Variants in ABHD18 observed in about 807,000 individuals in gnomAD.
The protein encoded by ABHD18 is abhydrolase domain containing 18.
In ABHD18, 55 loss-of-function variants were observed where a neutral mutation model predicts 65.9. The ratio of observed to expected loss-of-function variants is 0.84; its 90% confidence interval spans 0.67 to 1.05. The LOEUF is 1.05. ABHD18 is among the 50% of genes least tolerant of loss of function. The pLI is 0.00. For missense variants in ABHD18, 533 were observed against 558.5 expected, an observed-to-expected ratio of 0.95 and a Z score of 0.46; for synonymous variants, 181 against 180.2, an observed-to-expected ratio of 1.00 and a Z score of -0.04.
chr4:127,981,172 C>G (rs1243488239), intron 1 of ABHD18, among the ~76,000 whole-genome samples: 1 of 152,102 alleles, frequency 6.6e-6, no homozygotes, highest in Non-Finnish European at 1.5e-5. Flanking sequence ...GTTTGACTTA[C>G]GATTGTTTCA....
Position 128,011,533 on chromosome 4 carries a change from C to A in ABHD18, c.443-140C>A. The stretch of plus-strand genomic sequence containing the variant: ...AATAATTAAGTTGAAAACTTAAGAA[C>A]TTCTAAACAGCCTACTTAAGATAAT... On this transcript the variant is annotated intron_variant, in intron 6 of 12. Coordinates refer to ENST00000645843, the MANE Select transcript of ABHD18 (RefSeq NM_001358451.3). 4 of 368,098 alleles carry A rather than the reference C, an allele frequency of 1.1e-5. No individual in the cohort carries two copies. The South Asian group carries it at 2.1e-4, about 20-fold the overall frequency. The allele number at this position is 368,098 out of a possible 1,614,324, so 22.8% of individuals were successfully genotyped here. A position where few individuals can be genotyped will look rare whatever the true frequency, so the allele number is the denominator to read the frequency against.
chr4:127,970,107 TC>T (rs1385942861), intron 1 of ABHD18, among the ~76,000 whole-genome samples: 1 of 151,912 alleles, frequency 6.6e-6, no homozygotes, highest in Non-Finnish European at 1.5e-5. Flanking sequence ...GGTTTCAGAT[TC>T]CTGAGCTCAA....
At chr4:127,971,691 C>T (rs1339889484) in intron 1 of ABHD18, among the ~76,000 whole-genome samples, 1 of 151,870 alleles carries the variant, frequency 6.6e-6, no homozygotes, top group Non-Finnish European at 1.5e-5. Context: ...GGGGTTTCTC[C>T]GTGTTAGCCA....
rs768432727 is a variant in ABHD18, at chr4:127,989,792, T to TA, written c.250dup (p.Ile84AsnfsTer5). 5 of 1,598,070 alleles carry TA rather than the reference T, an allele frequency of 3.1e-6. No individual in the cohort carries two copies. The African/African-American group carries it at 6.7e-5, about 21-fold the overall frequency. On this transcript the variant is annotated frameshift_variant, in exon 4 of 13. Transcript: ENST00000645843. LOFTEE classifies it high-confidence loss of function. ...CCCCCATGGCTCACTATGTGCCTGA[T>TA]ATCATGCCAATTGAATCTGTTATTG...
At chr4:127,996,300 C>T (rs947859067) in intron 4 of ABHD18, among the ~76,000 whole-genome samples, 3 of 152,014 alleles carry the variant, frequency 2.0e-5, no homozygotes, top group African/African-American at 7.2e-5. Flanking sequence ...CCCTAAGTGT[C>T]AGCTGGTCTG....
chr4:128,026,068 C>G (rs769542322), intron 10 of ABHD18, among the ~76,000 whole-genome samples: 31 of 152,200 alleles, frequency 2.0e-4, no homozygotes, highest in Admixed American at 9.8e-4. Context: ...GCTGGCAGAT[C>G]ACCTGAGGTC....
At chr4:127,967,849 C>T (rs926446339) in intron 1 of ABHD18, among the ~76,000 whole-genome samples, 1 of 151,944 alleles carries the variant, frequency 6.6e-6, no homozygotes, top group African/African-American at 2.4e-5. Flanking sequence ...GATTATTTCC[C>T]GAATGTTTCA....
intron 10 of ABHD18, among the ~76,000 whole-genome samples, chr4:128,021,463 A>C (rs1756485455): frequency 6.6e-6 from 1 of 152,080 alleles, no homozygotes; most frequent in Non-Finnish European, 1.5e-5. Flanking sequence ...CAGGAGTTTG[A>C]GACTAGCCTG....
chr4:128,033,556 GAC>G (rs1758509510), intron 12 of ABHD18, among the ~76,000 whole-genome samples: 1 of 115,080 alleles, frequency 8.7e-6, no homozygotes, highest in African/African-American at 3.3e-5. Flanking sequence ...TCTTTTTTGA[GAC>G]AGAGTCTCCC....
At position 127,968,150 on chromosome 4, in the gene ABHD18, T is replaced by C. The variant is rs1300355935; in HGVS notation, c.-18+2544T>C. Among the ~76,000 whole-genome samples the C allele has an allele frequency of 3.9e-5, 6 of 152,146 alleles. No individual in the cohort carries two copies. The East Asian group carries it at 1.2e-3, about 29-fold the overall frequency. Reference sequence around the variant, plus strand: ...GGGTGAACCCGGGAGGCGGAGCTTGTAGTGAGCCGAGATTGCGCCACTGCA... The same window carrying C: ...GGGTGAACCCGGGAGGCGGAGCTTGCAGTGAGCCGAGATTGCGCCACTGCA... On this transcript the variant is annotated intron_variant, in intron 1 of 12. Transcript: ENST00000645843.
chr4:127,984,785 C>T (rs1749676956), intron 3 of ABHD18, among the ~76,000 whole-genome samples: 1 of 152,038 alleles, frequency 6.6e-6, no homozygotes, highest in Non-Finnish European at 1.5e-5. Flanking sequence ...ACTTGAACCC[C>T]GGAGGCGGAG....
At position 128,035,865 on chromosome 4, in the gene ABHD18, G is replaced by C; in HGVS notation, c.*52G>C. The C allele has an allele frequency of 8.7e-7, 1 of 1,155,222 alleles. No homozygotes were observed. Among genetic ancestry groups the C allele is most frequent in the Non-Finnish European group, 1.2e-6 (1 of 816,006 alleles). The allele number at this position is 1,155,222 out of a possible 1,614,324, so 71.6% of individuals were successfully genotyped here. A position where few individuals can be genotyped will look rare whatever the true frequency, so the allele number is the denominator to read the frequency against. ...GCCATGATGTTTCTTACAAAAGGGA[G>C]CTTCATCCTGTGATCATGTGAAGGA... On this transcript the variant is annotated 3_prime_UTR_variant, in exon 13 of 13. Transcript: ENST00000645843.
chr4:127,966,863 C>T (rs1238116006), intron 1 of ABHD18, among the ~76,000 whole-genome samples: 14 of 140,860 alleles, frequency 9.9e-5, no homozygotes, highest in Non-Finnish European at 1.7e-4. Flanking sequence ...CCAGCCTGGG[C>T]AACAGAGTGA....
At chr4:127,994,000 A>G (rs561026858) in intron 4 of ABHD18, among the ~76,000 whole-genome samples, 14 of 152,224 alleles carry the variant, frequency 9.2e-5, no homozygotes, top group Admixed American at 9.2e-4. Flanking sequence ...GGAGAAACCT[A>G]TTTGTCCTAT....
intron 1 of ABHD18, among the ~76,000 whole-genome samples, chr4:127,974,199 T>G (rs199897688): frequency 0.024 from 3,427 of 142,454 alleles, 171 homozygotes; most frequent in East Asian, 0.22. Flanking sequence ...TTTTTTTTTT[T>G]TTTTTTTTTT....
chr4:127,992,837 C>A (rs182278908), intron 4 of ABHD18, among the ~76,000 whole-genome samples: 1 of 152,116 alleles, frequency 6.6e-6, no homozygotes, highest in Admixed American at 6.6e-5. Context: ...AGCCACTGCA[C>A]CCAGCCTTAA....
At chr4:127,966,217 C>A (rs190712288) in intron 1 of ABHD18, among the ~76,000 whole-genome samples, 1 of 152,136 alleles carries the variant, frequency 6.6e-6, no homozygotes, top group South Asian at 2.1e-4. Context: ...TAGCTGGCGT[C>A]AGTAGTCATT....
At chr4:128,031,041 A>T (rs1758133261) in intron 12 of ABHD18, 1 of 1,004,532 alleles carries the variant, frequency 1.0e-6, no homozygotes, top group Admixed American at 6.0e-5. Flanking sequence ...TGGCCTGAAC[A>T]TCTGTGGAAT....
intron 10 of ABHD18, among the ~76,000 whole-genome samples, chr4:128,026,873 C>T (rs907977550): frequency 2.6e-5 from 4 of 151,636 alleles, no homozygotes; most frequent in African/African-American, 9.7e-5. Context: ...GTAACCTCCG[C>T]CTCCTGGGTT....
Sources: gnomAD v4.1 joint callset for allele counts (sites outside exome capture counted in the v4.1 genomes callset) on GRCh38, gnomAD v4.1.1 for gene constraint, MANE v1.5 for transcripts, NCBI Gene and HGNC (gene_info 2026-07-23, HGNC 2026-07-21) for gene names.